COL12A1: variants seen among roughly 807,000 people sequenced by gnomAD.
The protein encoded by COL12A1 is collagen type XII alpha 1 chain.
In COL12A1, 114 loss-of-function variants were observed where a neutral mutation model predicts 349.7. The ratio of observed to expected loss-of-function variants is 0.33; its 90% CI spans 0.28 to 0.38. COL12A1 has a LOEUF of 0.38. COL12A1 is among the 10% of genes least tolerant of loss of function. The pLI, the probability that COL12A1 is intolerant of heterozygous loss-of-function variation, is 1.00. For missense variants in COL12A1, 3,284 were observed against 3,756.9 expected (o/e 0.87, Z 3.29); for synonymous variants, 1,369 against 1,329.0 (o/e 1.03, Z -0.66).
chr6:75,130,043 A>T, intron 37 of COL12A1, 48 bp downstream of exon 37: 1 of 1,600,928 alleles, frequency 6.2e-7, no homozygotes, highest in Non-Finnish European at 8.5e-7. Flanking sequence ...TTCACTGTCC[A>T]TTCAGCTAAG....
intron 25 of COL12A1, among the ~76,000 whole-genome samples, 192 bp from the exon 26 acceptor site, chr6:75,143,580 T>C (rs1767022039): frequency 6.6e-6 from 1 of 152,250 alleles, no homozygotes; most frequent in South Asian, 2.1e-4. Context: ...AGAAGGTTTT[T>C]CAAAAATAGA....
At chr6:75,172,347 G>C (rs145295238) in intron 13 of COL12A1, among the ~76,000 whole-genome samples, 1,805 of 152,174 alleles carry the variant, frequency 0.012, 34 homozygotes, top group African/African-American at 0.042. Flanking sequence ...TTTTAGAATC[G>C]AGAAGATTTT....
intron 47 of COL12A1, 69 bp downstream of exon 47, chr6:75,117,313 A>G (rs1769130356): frequency 6.7e-7 from 1 of 1,502,474 alleles, no homozygotes; most frequent in African/African-American, 1.4e-5. Flanking sequence ...CAAAGGATAT[A>G]GAATTGTCTA....
intron 47 of COL12A1, 96 bp downstream of exon 47, chr6:75,117,286 G>C (rs941079954): frequency 4.5e-5 from 56 of 1,243,336 alleles, no homozygotes; most frequent in Non-Finnish European, 5.8e-5. Context: ...ATCTATTTAT[G>C]CACAGACTTG....
chr6:75,130,902 G>T lies in COL12A1; in HGVS notation c.6017C>A (p.Ala2006Asp). The T allele has an allele frequency of 6.2e-7, 1 of 1,614,054 alleles. No individual in the cohort carries two copies. Among genetic ancestry groups the T allele is most frequent in the Non-Finnish European group, 8.5e-7 (1 of 1,179,988 alleles). Reference sequence around the variant, plus strand: ...ATTTCCCTCTCCATCCGAGTACAGAGCCACAAGGTTCACGGAATAGAGTGT... The same window carrying T: ...ATTTCCCTCTCCATCCGAGTACAGATCCACAAGGTTCACGGAATAGAGTGT... ...PDTLYSVNLV[A>D]LYSDGEGNPS... The change falls in exon 36 of 66, where the codon GCT becomes GAT. Residue 2006 changes from alanine (A) to aspartate (D), a missense_variant. Transcript: ENST00000322507.
intron 49 of COL12A1, among the ~76,000 whole-genome samples, chr6:75,115,384 C>T (rs1180501973): frequency 6.6e-6 from 1 of 152,054 alleles, no homozygotes; most frequent in Non-Finnish European, 1.5e-5. Context: ...AGAAACACTA[C>T]CTTTCATTTT....
chr6:75,120,619 G>A (rs1769308063), intron 44 of COL12A1, among the ~76,000 whole-genome samples: 1 of 152,112 alleles, frequency 6.6e-6, no homozygotes, highest in South Asian at 2.1e-4. Context: ...CAAAAGCATG[G>A]AATGGGTAAA....
At chr6:75,159,358 C>A (rs1335680344) in intron 14 of COL12A1, among the ~76,000 whole-genome samples, 2 of 148,588 alleles carry the variant, frequency 1.3e-5, no homozygotes, top group Non-Finnish European at 3.0e-5. Context: ...GATTAATCAT[C>A]AATTTGCTAT....
At chr6:75,165,010 G>A (rs370153752) in intron 14 of COL12A1, among the ~76,000 whole-genome samples, 105 of 152,168 alleles carry the variant, frequency 6.9e-4, no homozygotes, top group African/African-American at 1.6e-3. Context: ...TTTCAATAGC[G>A]ATCAATCATT....
In COL12A1 at chr6:75,156,315, T is replaced by C; in HGVS notation, c.3192A>G (p.Thr1064=). The change falls in exon 15 of 66, where the codon ACA becomes ACG. Residue 1064 remains threonine, a synonymous_variant. Coordinates refer to ENST00000322507, the MANE Select transcript of COL12A1 (RefSeq NM_004370.6). ...CTCCCATCTTGTAAATAGGAAGAAC[T>C]GTGATGTCATATGTGGTCTGTGGCT... ...RLQPQTTYDI[T]VLPIYKMGEG... 6.2e-7 allele frequency: 1 copy of C among 1,613,966 alleles called. No homozygotes were observed. The highest frequency in any genetic ancestry group is 8.5e-7 in the Non-Finnish European group (1 of 1,179,866).
chr6:75,136,325 C>T (rs1031814584), intron 31 of COL12A1, among the ~76,000 whole-genome samples: 1 of 152,040 alleles, frequency 6.6e-6, no homozygotes, highest in Non-Finnish European at 1.5e-5. Context: ...ATCTATTTAC[C>T]TAAAACAGAC....
At chr6:75,187,337 A>C (rs1379041888) in intron 8 of COL12A1, among the ~76,000 whole-genome samples, 1 of 151,758 alleles carries the variant, frequency 6.6e-6, no homozygotes, top group African/African-American at 2.4e-5. Context: ...ACTAAAGAGA[A>C]ATGTGAACAC....
intron 21 of COL12A1, among the ~76,000 whole-genome samples, chr6:75,150,445 G>A (rs1220486275): frequency 6.6e-6 from 1 of 152,026 alleles, no homozygotes; most frequent in African/African-American, 2.4e-5. Flanking sequence ...CCAGATCTCA[G>A]TTTCTTCACT....
chr6:75,095,623 C>CAAAAA (rs58205028), intron 59 of COL12A1, among the ~76,000 whole-genome samples: 3 of 102,092 alleles, frequency 2.9e-5, no homozygotes, highest in African/African-American at 1.2e-4. Flanking sequence ...GACTCCGTCT[C>CAAAAA]AAAAAAAAAA....
In COL12A1 at chr6:75,124,283, G is replaced by A; in HGVS notation, c.6696C>T (p.Ser2232=). 1 of 1,613,666 alleles carries A rather than the reference G, an allele frequency of 6.2e-7. No homozygotes were observed. The highest frequency in any genetic ancestry group is 8.5e-7 in the Non-Finnish European group (1 of 1,179,802). ...CTGCAGGGCTTAGTTTTAGCCTGTAGGAGGTGGCTGCCCGGTGAGGTGACC... is the reference window on the plus strand; with the variant it reads ...CTGCAGGGCTTAGTTTTAGCCTGTAAGAGGTGGCTGCCCGGTGAGGTGACC... ...VKWSPHRAAT[S]YRLKLSPADG... Residue 2232 remains serine (S), a synonymous_variant, in exon 41 of 66, where the codon TCC becomes TCT. Transcript: ENST00000322507.
chr6:75,085,455 G>C lies in COL12A1; in HGVS notation c.*1092C>G. 1 of 422,538 alleles carries C rather than the reference G, an allele frequency of 2.4e-6. No homozygotes were observed. Among genetic ancestry groups the C allele is most frequent in the South Asian group, 1.7e-5 (1 of 57,738 alleles). 26.2% of individuals were successfully genotyped at this position (422,538 alleles called of 1,614,324 possible). A position where few individuals can be genotyped will look rare whatever the true frequency, so the allele number is the denominator to read the frequency against. On this transcript the variant is annotated 3_prime_UTR_variant, in exon 66 of 66. Coordinates refer to ENST00000322507, the MANE Select transcript of COL12A1 (RefSeq NM_004370.6). ...AGCTAAATCATCACCCGCGGTGATG[G>C]CACTCCAGTCTTAATCTCATAACTA...
At chr6:75,116,101 G>C (rs1449840406) in intron 47 of COL12A1, 44 bp from the exon 48 acceptor site, 1 of 1,582,926 alleles carries the variant, frequency 6.3e-7, no homozygotes, top group South Asian at 1.1e-5. Context: ...CCAACACGAT[G>C]TACAAATTAT....
chr6:75,191,772 C>T lies in COL12A1; in HGVS notation c.335-12G>A, dbSNP rs1769941734. 2 of 1,563,556 alleles carry T rather than the reference C, an allele frequency of 1.3e-6. No homozygotes were observed. Among genetic ancestry groups the T allele is most frequent in the Admixed American group, 1.9e-5 (1 of 52,890 alleles). On this transcript the variant is annotated splice_polypyrimidine_tract_variant and intron_variant, in intron 4 of 65. Coordinates refer to ENST00000322507, the MANE Select transcript of COL12A1 (RefSeq NM_004370.6). ...ACTACCTGTTTGAACTAAGTTAAAA[C>T]TTTATTATTACAAAAGGAAATGAAC... is the stretch of plus-strand genomic sequence containing the variant.
At chr6:75,137,375 A>G (rs1025543421) in intron 31 of COL12A1, 62 bp downstream of exon 31, 67 of 1,434,522 alleles carry the variant, frequency 4.7e-5, no homozygotes, top group East Asian at 1.0e-4. Flanking sequence ...ACTGAGGGGG[A>G]AAAAGAGTTT....
Sources: gnomAD v4.1 joint callset for allele counts (sites outside exome capture counted in the v4.1 genomes callset) on GRCh38, gnomAD v4.1.1 for gene constraint, MANE v1.5 for transcripts, NCBI Gene and HGNC (gene_info 2026-07-23, HGNC 2026-07-21) for gene names.